Variants in ADAM11 observed in about 807,000 individuals in gnomAD.
The protein encoded by ADAM11 is disintegrin and metalloproteinase domain-containing protein 11.
A neutral mutation model predicts 119.1 loss-of-function variants in ADAM11; 49 were observed. The observed-to-expected ratio is 0.41, with a 90% CI of 0.33 to 0.52. ADAM11 has a LOEUF of 0.52. Among genes scored for constraint, ADAM11 ranks in the 20% least tolerant of loss-of-function variants. The probability of loss-of-function intolerance (pLI) is 0.20; values close to 1 mark genes in which losing one functional copy is unlikely to be tolerated. For synonymous variants in ADAM11, 364 were observed against 408.0 expected (o/e 0.89, Z 1.30); for missense variants, 777 against 1,047.5 (o/e 0.74, Z 3.56).
At position 44,769,704 on chromosome 17, in the gene ADAM11, C is replaced by A; in HGVS notation, c.238-14C>A. 8.5e-7 allele frequency: 1 copy of A among 1,180,062 alleles called. No homozygotes were observed. Among genetic ancestry groups the A allele is most frequent in the Non-Finnish European group, 1.3e-6 (1 of 783,550 alleles). The allele number at this position is 1,180,062 out of a possible 1,614,324, so 73.1% of individuals were successfully genotyped here. A position where few individuals can be genotyped will look rare whatever the true frequency, so the allele number is the denominator to read the frequency against. On this transcript the variant is annotated splice_polypyrimidine_tract_variant and intron_variant, in intron 2 of 26. Transcript: ENST00000200557. The stretch of plus-strand genomic sequence containing the variant: ...TCCCTGGGTTGACTCCCCCTCTGCC[C>A]TCCCCCCACCCAGCCTGTCCATCTG...
In ADAM11 at chr17:44,772,772, AT is replaced by A; in HGVS notation, c.679-84del. On this transcript the variant is annotated intron_variant, in intron 8 of 26. Transcript: ENST00000200557. This position sits in a 1 kb window ranked among gnomAD's most constrained non-coding sequence, Gnocchi z 4.5. ...CCCTGGCTGGAGTCCAGACCCCCCC[AT>A]CCCCACCGAGTCTGTTCCTGGCTTG... 8.2e-7 allele frequency: 1 copy of A among 1,223,700 alleles called. No homozygotes were observed. The highest frequency in any genetic ancestry group is 1.2e-6 in the Non-Finnish European group (1 of 843,278). The allele number at this position is 1,223,700 out of a possible 1,614,324, so 75.8% of individuals were successfully genotyped here.
At position 44,776,087 on chromosome 17, in the gene ADAM11, A is replaced by G. The variant is rs1208610222; in HGVS notation, c.1486-40A>G. On this transcript the variant is annotated intron_variant, in intron 17 of 26. Coordinates refer to ENST00000200557, the MANE Select transcript of ADAM11 (RefSeq NM_002390.6). This position sits in a 1 kb window ranked among gnomAD's most constrained non-coding sequence, Gnocchi z 5.2. ...GGCCTGGGGAGGGCAGGGCCGAGGC[A>G]TCCATCCTGCCTGACTCGAGGAGCG... 1.2e-6 allele frequency: 2 copies of G among 1,607,966 alleles called. No individual in the cohort carries two copies. Among genetic ancestry groups the G allele is most frequent in the South Asian group, 1.1e-5 (1 of 90,902 alleles).
intron 26 of ADAM11, 146 bp downstream of exon 26, chr17:44,779,385 C>T (rs1160911437): frequency 8.9e-6 from 13 of 1,456,232 alleles, no homozygotes; most frequent in East Asian, 5.4e-5. Flanking sequence ...CAGGCTGTCC[C>T]GGCAGGGGTG....
At chr17:44,774,866 G>C (rs1294199913) in intron 14 of ADAM11, 117 bp downstream of exon 14, 1 of 1,300,814 alleles carries the variant, frequency 7.7e-7, no homozygotes, top group African/African-American at 1.5e-5. Flanking sequence ...AACCACTCAG[G>C]ATCCCAAGAA....
At position 44,774,360 on chromosome 17, in the gene ADAM11, A is replaced by G. The variant is rs549919918; in HGVS notation, c.1058A>G (p.His353Arg). Reference sequence around the variant, plus strand: ...GTGGGGGGCATATGCTCCCTGTCCCACGGCGGGGGTGTGAACGAGGTGAGC... The same window carrying G: ...GTGGGGGGCATATGCTCCCTGTCCCGCGGCGGGGGTGTGAACGAGGTGAGC... ...AYVGGICSLS[H>R]GGGVNEYGNM... The change falls in exon 12 of 27, where the codon CAC becomes CGC. Residue 353 changes from histidine (H) to arginine (R), a missense_variant. This residue lies in a region of ADAM11 where 147 missense variants were observed against 223.3 expected (regional missense o/e 0.66). Transcript: ENST00000200557. 1.3e-6 allele frequency: 2 copies of G among 1,486,628 alleles called. No individual in the cohort carries two copies. Among genetic ancestry groups the G allele is most frequent in the East Asian group, 5.0e-5 (2 of 40,058 alleles). 92.1% of individuals were successfully genotyped at this position (1,486,628 alleles called of 1,614,324 possible). A position where few individuals can be genotyped will look rare whatever the true frequency, so the allele number is the denominator to read the frequency against.
rs146701729 is a variant in ADAM11 at position 44,779,292 on chromosome 17, C to T, written c.2294+53C>T. ...GTGATGCCGGCCACGTCATCCCTCC[C>T]GCTGTCCTTGTCTCCTCCATCTCAT... On this transcript the variant is annotated intron_variant, in intron 26 of 26. Transcript: ENST00000200557. 2.1e-3 allele frequency: 3,302 copies of T among 1,547,796 alleles called. 22 individuals carry two copies. Among genetic ancestry groups the T allele is most frequent in the Non-Finnish European group, 1.6e-3 (1,895 of 1,156,324 alleles).
At chr17:44,770,123 G>A (rs1363710847) in intron 4 of ADAM11, 75 bp downstream of exon 4, 30 of 1,537,552 alleles carry the variant, frequency 2.0e-5, no homozygotes, top group Admixed American at 9.1e-5. Context: ...GGTCACAGGT[G>A]TAGGGACAGG....
Position 44,773,551 on chromosome 17 carries a change from C to A in ADAM11, c.992+124C>A. 2 of 1,189,042 alleles carry A rather than the reference C, an allele frequency of 1.7e-6. No homozygotes were observed. Among genetic ancestry groups the A allele is most frequent in the Non-Finnish European group, 2.3e-6 (2 of 866,672 alleles). 73.7% of individuals were successfully genotyped at this position (1,189,042 alleles called of 1,614,324 possible). ...TCTGGGGACTGGGCTCACCTTGCAC[C>A]TGCCACCTACCCCCAGCCACATGCA... On this transcript the variant is annotated intron_variant, in intron 11 of 26. Transcript: ENST00000200557. The surrounding 1 kb of genome is among the most constrained non-coding windows in gnomAD (Gnocchi z 4.6).
chr17:44,763,849 T>A (rs1035493930), intron 2 of ADAM11, among the ~76,000 whole-genome samples: 12 of 152,202 alleles, frequency 7.9e-5, no homozygotes, highest in African/African-American at 2.9e-4. Context: ...CCCGAGTAGC[T>A]GGGATTACAG....
At chr17:44,767,227 G>C (rs191837259) in intron 2 of ADAM11, among the ~76,000 whole-genome samples, 11 of 151,732 alleles carry the variant, frequency 7.2e-5, no homozygotes, top group African/African-American at 2.7e-4. Flanking sequence ...GTGGTGGTAG[G>C]CACCTACAAT....
chr17:44,771,443 C>T (rs913812803), intron 4 of ADAM11, 141 bp from the exon 5 acceptor site: 132 of 848,652 alleles, frequency 1.6e-4, no homozygotes, highest in Non-Finnish European at 2.0e-5. Context: ...CATCTAGAAA[C>T]AGGCTCCAGA....
At chr17:44,768,938 G>A (rs771344067) in intron 2 of ADAM11, among the ~76,000 whole-genome samples, 4 of 152,184 alleles carry the variant, frequency 2.6e-5, no homozygotes, top group African/African-American at 4.8e-5. Context: ...TGATCCAGGC[G>A]TCCTCAAGCG....
chr17:44,779,445 G>T (rs2049661108), intron 26 of ADAM11: 1 of 985,194 alleles, frequency 1.0e-6, no homozygotes, highest in Non-Finnish European at 1.2e-6. Context: ...GCCCTCGCCC[G>T]CTCAGGCCAC....
rs2049547189 is a variant in ADAM11, at chr17:44,773,004, T to C, written c.754-10T>C. On this transcript the variant is annotated splice_polypyrimidine_tract_variant and intron_variant, in intron 9 of 26. Coordinates refer to ENST00000200557, the MANE Select transcript of ADAM11 (RefSeq NM_002390.6). The surrounding 1 kb of genome is among the most constrained non-coding windows in gnomAD (Gnocchi z 4.6). Reference sequence around the variant, plus strand: ...GAGCCTGGCCCTCCTCCCATTCTTCTCTCTCCCAGTTCGAGCAGATGCGAC... The same window carrying C: ...GAGCCTGGCCCTCCTCCCATTCTTCCCTCTCCCAGTTCGAGCAGATGCGAC... 1.9e-6 allele frequency: 3 copies of C among 1,613,792 alleles called. No individual in the cohort carries two copies. The highest frequency in any genetic ancestry group is 2.5e-6 in the Non-Finnish European group (3 of 1,179,980).
At chr17:44,779,273 C>T (rs1475134154) in intron 26 of ADAM11, 34 bp downstream of exon 26, 1 of 1,557,190 alleles carries the variant, frequency 6.4e-7, no homozygotes, top group East Asian at 2.5e-5. Context: ...CAGTGTGATG[C>T]CGGCCACGTC....
At chr17:44,778,445 A>G (rs540055232) in intron 25 of ADAM11, among the ~76,000 whole-genome samples, 179 of 152,246 alleles carry the variant, frequency 1.2e-3, no homozygotes, top group African/African-American at 4.2e-3. Context: ...TAATCCCAGC[A>G]CTTTGGGAGG....
In ADAM11 at chr17:44,777,201, G is replaced by A. The variant is rs1430243647; in HGVS notation, c.1717G>A (p.Val573Met). 6.2e-7 allele frequency: 1 copy of A among 1,609,304 alleles called. No individual in the cohort carries two copies. The highest frequency in any genetic ancestry group is 8.5e-7 in the Non-Finnish European group (1 of 1,179,292). Reference sequence around the variant, plus strand: ...TCGCTTCTGCTACGAGAAGCTGAATGTGGAGGGGACGGAGCGTGGGAGCTG... The same window carrying A: ...TCGCTTCTGCTACGAGAAGCTGAATATGGAGGGGACGGAGCGTGGGAGCTG... ...ADRFCYEKLN[V>M]EGTERGSCGR... is the part of the protein sequence containing the mutation. The change falls in exon 21 of 27, where the codon GTG becomes ATG. Residue 573 changes from valine (V) to methionine (M), a missense_variant. Transcript: ENST00000200557. The surrounding 1 kb of genome is among the most constrained non-coding windows in gnomAD (Gnocchi z 5.1).
chr17:44,759,572 G>A, intron 1 of ADAM11, 150 bp from the exon 2 acceptor site: 1 of 1,286,614 alleles, frequency 7.8e-7, no homozygotes, highest in Non-Finnish European at 9.8e-7. Context: ...GCGGGCTCTT[G>A]CCTCTGCAGG....
intron 25 of ADAM11, among the ~76,000 whole-genome samples, chr17:44,778,688 CAAAAAAAAAAAAAA>C (rs566515861): frequency 1.9e-5 from 1 of 52,432 alleles, no homozygotes; most frequent in Admixed American, 2.3e-4. Context: ...AAGACTGCGT[CAAAAAAAAAAAAAA>C]AAAAAAAAAA....
Sources: allele counts gnomAD v4.1 joint callset (sites outside exome capture counted in the v4.1 genomes callset), GRCh38; gene constraint gnomAD v4.1.1; regional missense constraint gnomAD v4.1.1; non-coding constraint Gnocchi (gnomAD v3.1); transcripts MANE v1.5; gene names NCBI Gene and HGNC (gene_info 2026-07-23, HGNC 2026-07-21).